The following NFAT5 variants were observed in gnomAD, a reference collection of about 807,000 sequenced individuals.
NFAT5 encodes nuclear factor of activated T cells 5, also known as nuclear factor of activated T-cells 5.
Under a neutral mutation model 166.5 loss-of-function variants are expected in NFAT5, and 31 were observed. The observed-to-expected ratio is 0.19, with a 90% CI of 0.14 to 0.25. NFAT5 has a LOEUF of 0.25. NFAT5 is among the 10% of genes least tolerant of loss of function. NFAT5 has a pLI of 1.00. For synonymous variants in NFAT5, 612 were observed against 639.7 expected (o/e 0.96, Z 0.65); for missense variants, 1,449 against 1,821.8 (o/e 0.80, Z 3.72).
chr16:69,671,249 G>A (rs1008522478), intron 9 of NFAT5, among the ~76,000 whole-genome samples: 10 of 152,110 alleles, frequency 6.6e-5, no homozygotes, highest in Admixed American at 2.0e-4. Flanking sequence ...TTTTTTGAAC[G>A]AGTGGCTCAA....
intron 2 of NFAT5, among the ~76,000 whole-genome samples, chr16:69,625,252 G>A (rs1199578164): frequency 2.6e-5 from 4 of 151,924 alleles, no homozygotes; most frequent in African/African-American, 9.7e-5. Context: ...TACCTTTAGA[G>A]GATATTTTGG....
chr16:69,621,037 A>G (rs2034172737), intron 2 of NFAT5, among the ~76,000 whole-genome samples: 1 of 152,158 alleles, frequency 6.6e-6, no homozygotes, highest in South Asian at 2.1e-4. Context: ...TTTATCACAT[A>G]TTTTACTGAA....
chr16:69,696,789 A>G lies in NFAT5; in HGVS notation c.*438A>G, dbSNP rs185436136. On this transcript the variant is annotated 3_prime_UTR_variant, in exon 15 of 15. Transcript: ENST00000349945. ...ATGGCTTTTGAAAAAGTAAAGTTCA[A>G]TAATAACTAAGGCTGTGATTTTTTT... The G allele has an allele frequency of 1.0e-3, 153 of 152,738 alleles. No individual in the cohort carries two copies. The highest frequency in any genetic ancestry group is 3.5e-3 in the African/African-American group (144 of 41,566). The allele number at this position is 152,738 out of a possible 1,614,324, so 9.5% of individuals were successfully genotyped here. A position where few individuals can be genotyped will look rare whatever the true frequency, so the allele number is the denominator to read the frequency against.
chr16:69,677,063 G>C, intron 9 of NFAT5, 140 bp from the exon 10 acceptor site: 1 of 772,700 alleles, frequency 1.3e-6, no homozygotes, highest in Non-Finnish European at 2.0e-6. Context: ...CCTGATGCCT[G>C]TGAACCTGAG....
At chr16:69,609,819 G>GAA (rs1157655325) in intron 2 of NFAT5, among the ~76,000 whole-genome samples, 13 of 75,260 alleles carry the variant, frequency 1.7e-4, no homozygotes, top group Non-Finnish European at 2.2e-4. Context: ...TGTCTCTACT[G>GAA]AAAAAAAAAA....
At chr16:69,651,198 A>G (rs1001695380) in intron 4 of NFAT5, among the ~76,000 whole-genome samples, 8 of 152,180 alleles carry the variant, frequency 5.3e-5, no homozygotes, top group South Asian at 2.1e-4. Flanking sequence ...GCCTTCATCA[A>G]CAAACATTTC....
rs550110473 is a variant in NFAT5 at position 69,657,423 on chromosome 16, C to T, written c.1196+1624C>T. ...GGGATTACAGGCGTGAGCCACCGTG[C>T]CTGGCCTCATAAATATTTTTTAACT... On this transcript the variant is annotated intron_variant, in intron 6 of 14. Transcript: ENST00000349945. 5.7e-4 allele frequency among the ~76,000 whole-genome samples: 86 copies of T among 151,472 alleles called. 1 individual carries two copies. Among genetic ancestry groups the T allele is most frequent in the African/African-American group, 2.1e-3 (85 of 41,366 alleles).
intron 10 of NFAT5, among the ~76,000 whole-genome samples, chr16:69,683,513 A>G (rs754927428): frequency 3.3e-5 from 5 of 152,222 alleles, no homozygotes; most frequent in Non-Finnish European, 7.3e-5. Context: ...CCTGGGTGAC[A>G]GAGCCCCAGA....
Position 69,659,709 on chromosome 16 carries a change from AT to A in NFAT5, c.1197-10del, listed in dbSNP as rs746550082. ...TATACAACAAAATGTCCCTTTATAT[AT>A]TTTTTTTCTGTATTAGGGTGGACTG... On this transcript the variant is annotated splice_polypyrimidine_tract_variant and intron_variant, in intron 6 of 14. Transcript: ENST00000349945. The A allele has an allele frequency of 3.2e-5, 49 of 1,519,940 alleles. No homozygotes were observed. In the Admixed American group the frequency reaches 3.9e-4, roughly 12 times the overall value. The allele number at this position is 1,519,940 out of a possible 1,614,324, so 94.2% of individuals were successfully genotyped here.
intron 2 of NFAT5, among the ~76,000 whole-genome samples, chr16:69,569,194 T>C (rs72801307): frequency 0.059 from 8,959 of 152,238 alleles, 290 homozygotes; most frequent in Middle Eastern, 0.11. Context: ...TAAAATAGTC[T>C]TGTGTTTTTG....
chr16:69,574,428 A>G (rs963565700), intron 2 of NFAT5, among the ~76,000 whole-genome samples: 1 of 152,200 alleles, frequency 6.6e-6, no homozygotes, highest in African/African-American at 2.4e-5. Context: ...TTGTGTTAAT[A>G]AAAGTCAAGT....
rs903417116 is a variant in NFAT5 at position 69,635,440 on chromosome 16, A to G, written c.253+8912A>G. Among the ~76,000 whole-genome samples the G allele has an allele frequency of 2.0e-5, 3 of 151,984 alleles. No homozygotes were observed. The East Asian group carries it at 5.8e-4, about 29-fold the overall frequency. ...TTTGAAGTTTCGCACACCAGTCAAG[A>G]TGTATATATATGTGGGCCATGGGAT... On this transcript the variant is annotated intron_variant, in intron 3 of 14. Transcript: ENST00000349945.
Position 69,693,589 on chromosome 16 carries a change from C to T in NFAT5, c.3764C>T (p.Ser1255Leu), listed in dbSNP as rs1447392731. Residue 1255 changes from serine to leucine, a missense_variant, in exon 13 of 15, where the codon TCA (serine) becomes TTA (leucine). Ser to Leu is a moderately radical substitution (Grantham distance 145). Transcript: ENST00000349945. ...QQGTMFQSQH[S>L]IVAMQSNSPS... ...GGAACCATGTTCCAGTCACAGCACT[C>T]AATAGTTGCCATGCAGAGTAACTCT... 6.2e-7 allele frequency: 1 copy of T among 1,614,028 alleles called. No individual in the cohort carries two copies. The highest frequency in any genetic ancestry group is 8.5e-7 in the Non-Finnish European group (1 of 1,180,040).
chr16:69,664,932 C>T (rs1286295489), intron 7 of NFAT5, among the ~76,000 whole-genome samples: 1 of 152,072 alleles, frequency 6.6e-6, no homozygotes, highest in Admixed American at 6.5e-5. Flanking sequence ...GAGGATGAGG[C>T]AAGAGAATTG....
chr16:69,617,883 A>G (rs2034025782), intron 2 of NFAT5, among the ~76,000 whole-genome samples: 1 of 152,146 alleles, frequency 6.6e-6, no homozygotes, highest in African/African-American at 2.4e-5. Context: ...AAGGCCGGGC[A>G]CGGTGGCTCA....
intron 2 of NFAT5, among the ~76,000 whole-genome samples, chr16:69,589,922 C>G (rs777181460): frequency 1.3e-5 from 2 of 151,964 alleles, no homozygotes; most frequent in Non-Finnish European, 2.9e-5. Context: ...TTTGGGAGGC[C>G]AGGGTGGGAG....
chr16:69,648,144 C>A, intron 4 of NFAT5: 6 of 893,648 alleles, frequency 6.7e-6, no homozygotes, highest in Non-Finnish European at 8.0e-6. Context: ...CCACTGTACT[C>A]CAGCCTGGGC....
rs564919090 is a variant in NFAT5 at position 69,577,246 on chromosome 16, G to A, written c.127+8698G>A. On this transcript the variant is annotated intron_variant, in intron 2 of 14. Coordinates refer to ENST00000349945, the MANE Select transcript of NFAT5 (RefSeq NM_138713.4). ...ACGTCTATAAAGGAGGTTTGCTATT[G>A]TAAATTGTAGTTTAGAAGTTAACCC... is the stretch of plus-strand genomic sequence containing the variant. Among the ~76,000 whole-genome samples the A allele has an allele frequency of 1.4e-3, 208 of 152,140 alleles. 1 individual carries two copies. Among genetic ancestry groups the A allele is most frequent in the Non-Finnish European group, 1.9e-3 (132 of 68,002 alleles).
At chr16:69,634,721 C>T (rs1259121823) in intron 3 of NFAT5, among the ~76,000 whole-genome samples, 1 of 152,126 alleles carries the variant, frequency 6.6e-6, no homozygotes, top group Non-Finnish European at 1.5e-5. Flanking sequence ...ACAACATGTA[C>T]ATAGTTTTAT....
Sources: allele counts gnomAD v4.1 joint callset (sites outside exome capture counted in the v4.1 genomes callset), GRCh38; gene constraint gnomAD v4.1.1; transcripts MANE v1.5; gene names NCBI Gene and HGNC (gene_info 2026-07-23, HGNC 2026-07-21).